Variants in CDH13 observed in about 807,000 individuals in gnomAD.
CDH13 encodes cadherin 13.
In CDH13, 24 loss-of-function variants were observed where a neutral mutation model predicts 63.8. The ratio of observed to expected loss-of-function variants is 0.38; its 90% CI spans 0.27 to 0.53. The LOEUF (loss-of-function observed/expected upper bound fraction) is 0.53, where lower values mean the gene tolerates loss of function less well. Among genes scored for constraint, CDH13 ranks in the 20% least tolerant of loss-of-function variants. The pLI, the probability that CDH13 is intolerant of heterozygous loss-of-function variation, is 0.85. For missense variants in CDH13, 1,049 were observed against 903.1 expected, an observed-to-expected ratio of 1.16 and a Z score of -2.07; for synonymous variants, 503 against 355.3, an observed-to-expected ratio of 1.42 and a Z score of -4.67.
chr16:83,334,773 T>G lies in CDH13; in HGVS notation c.637-10089T>G, dbSNP rs534856774. Among the ~76,000 whole-genome samples, 57 of 152,210 alleles carry G rather than the reference T, an allele frequency of 3.7e-4. No homozygotes were observed. The South Asian group carries it at 0.011, about 29-fold the overall frequency. Reference sequence around the variant, plus strand: ...AGTATGAGAATTGTAGACCGAAACTTCATGAAAAGATTTATCAGTATGTCT... The same window carrying G: ...AGTATGAGAATTGTAGACCGAAACTGCATGAAAAGATTTATCAGTATGTCT... On this transcript the variant is annotated intron_variant, in intron 5 of 13. Transcript: ENST00000567109.
intron 1 of CDH13, among the ~76,000 whole-genome samples, chr16:82,675,061 C>G (rs1436991405): frequency 1.3e-5 from 2 of 152,140 alleles, no homozygotes; most frequent in South Asian, 2.1e-4. Flanking sequence ...AGGAAGGATA[C>G]AAACATTTTT....
At chr16:83,057,029 C>T (rs1311031389) in intron 3 of CDH13, among the ~76,000 whole-genome samples, 1 of 152,108 alleles carries the variant, frequency 6.6e-6, no homozygotes, top group Non-Finnish European at 1.5e-5. Flanking sequence ...TGCAGTGGTG[C>T]ATTCTCAGCT....
chr16:83,325,237 A>G (rs1162103149), intron 5 of CDH13, among the ~76,000 whole-genome samples: 2 of 152,216 alleles, frequency 1.3e-5, no homozygotes, highest in African/African-American at 4.8e-5. Context: ...AAAGTCTCAC[A>G]CTGAACTTGA....
At chr16:83,063,523 A>G (rs1049540826) in intron 3 of CDH13, among the ~76,000 whole-genome samples, 12 of 152,236 alleles carry the variant, frequency 7.9e-5, no homozygotes, top group African/African-American at 2.9e-4. Context: ...GCCTAAGGTT[A>G]TAGCAATAGA....
intron 1 of CDH13, among the ~76,000 whole-genome samples, chr16:82,853,633 C>T (rs1025930596): frequency 2.0e-5 from 3 of 152,142 alleles, no homozygotes; most frequent in African/African-American, 7.2e-5. Context: ...GCTTATAGTC[C>T]GTCTGAAACG....
intron 2 of CDH13, among the ~76,000 whole-genome samples, chr16:83,026,397 T>C (rs1915803243): frequency 6.6e-6 from 1 of 152,196 alleles, no homozygotes. Context: ...CTCAGTCTCT[T>C]CTCCTGTAAA....
chr16:83,352,567 C>T (rs1317680412), intron 6 of CDH13, among the ~76,000 whole-genome samples: 1 of 152,200 alleles, frequency 6.6e-6, no homozygotes, highest in Admixed American at 6.5e-5. Context: ...TACATACACA[C>T]ACACAATGGA....
intron 1 of CDH13, chr16:82,826,848 C>A (rs1183059983): frequency 1.3e-5 from 2 of 152,166 alleles, no homozygotes; most frequent in African/African-American, 4.8e-5. Context: ...CAGACATTGA[C>A]CACAGGAAGG....
At chr16:82,850,605 G>A (rs1196924335) in intron 1 of CDH13, among the ~76,000 whole-genome samples, 1 of 152,198 alleles carries the variant, frequency 6.6e-6, no homozygotes, top group Non-Finnish European at 1.5e-5. Context: ...TGAAAAAAAA[G>A]TTCTCCTGTG....
At chr16:82,738,058 A>C (rs781747510) in intron 1 of CDH13, among the ~76,000 whole-genome samples, 2 of 152,218 alleles carry the variant, frequency 1.3e-5, no homozygotes, top group African/African-American at 2.4e-5. Flanking sequence ...TGTGTTGTAC[A>C]GCAGACCTCT....
At chr16:83,046,839 A>G (rs1273831007) in intron 3 of CDH13, among the ~76,000 whole-genome samples, 1 of 152,144 alleles carries the variant, frequency 6.6e-6, no homozygotes, top group Non-Finnish European at 1.5e-5. Flanking sequence ...ACAATTCAGA[A>G]GGGAGGATTG....
intron 1 of CDH13, among the ~76,000 whole-genome samples, chr16:82,740,262 T>A (rs1279660423): frequency 1.3e-5 from 2 of 152,178 alleles, no homozygotes; most frequent in Non-Finnish European, 2.9e-5. Flanking sequence ...GAGACTTGAG[T>A]ACTTTAATTC....
intron 3 of CDH13, among the ~76,000 whole-genome samples, chr16:83,090,020 A>G (rs35791442): frequency 0.5 from 76,434 of 151,806 alleles, 19,413 homozygotes; most frequent in Middle Eastern, 0.61. Flanking sequence ...TGTAACATGA[A>G]TGGGTTCTCA....
At chr16:83,219,864 T>C (rs1329071169) in intron 5 of CDH13, among the ~76,000 whole-genome samples, 2 of 152,256 alleles carry the variant, frequency 1.3e-5, no homozygotes, top group African/African-American at 4.8e-5. Context: ...TCTTTTATTC[T>C]AGTTCTTTGT....
chr16:83,758,835 T>A (rs1339976036), intron 11 of CDH13, among the ~76,000 whole-genome samples: 1 of 152,236 alleles, frequency 6.6e-6, no homozygotes, highest in Non-Finnish European at 1.5e-5. Flanking sequence ...ATGCAAGTCC[T>A]CTACAATGAA....
At chr16:82,634,407 G>C (rs533467479) in intron 1 of CDH13, among the ~76,000 whole-genome samples, 1 of 152,198 alleles carries the variant, frequency 6.6e-6, no homozygotes, top group African/African-American at 2.4e-5. Flanking sequence ...TAGGGCCTGC[G>C]GAAAGTTGCT....
At chr16:83,688,251 T>C (rs1003693950) in intron 10 of CDH13, among the ~76,000 whole-genome samples, 1 of 152,226 alleles carries the variant, frequency 6.6e-6, no homozygotes, top group Non-Finnish European at 1.5e-5. Context: ...TTTTATTCTG[T>C]ATCTTCTAAG....
chr16:83,327,551 A>G (rs2090391640), intron 5 of CDH13, among the ~76,000 whole-genome samples: 1 of 152,230 alleles, frequency 6.6e-6, no homozygotes, highest in South Asian at 2.1e-4. Flanking sequence ...TGCTATGGAA[A>G]CAAGACAGAC....
At chr16:82,941,175 C>G (rs1217760592) in intron 2 of CDH13, among the ~76,000 whole-genome samples, 1 of 152,182 alleles carries the variant, frequency 6.6e-6, no homozygotes, top group Non-Finnish European at 1.5e-5. Flanking sequence ...CATCCACATT[C>G]ATTTATTTAT....
Sources: gnomAD v4.1 joint callset for allele counts (sites outside exome capture counted in the v4.1 genomes callset) on GRCh38, gnomAD v4.1.1 for gene constraint, MANE v1.5 for transcripts, NCBI Gene and HGNC (gene_info 2026-07-23, HGNC 2026-07-21) for gene names.